Variants in ASAP1 observed in about 807,000 individuals in gnomAD.
ASAP1 encodes ArfGAP with SH3 domain, ankyrin repeat and PH domain 1, also known as arf-GAP with SH3 domain, ANK repeat and PH domain-containing protein 1.
A neutral mutation model predicts 145.2 loss-of-function variants in ASAP1; 43 were observed. The ratio of observed to expected loss-of-function variants is 0.30; its 90% CI spans 0.23 to 0.38. The LOEUF (loss-of-function observed/expected upper bound fraction) is 0.38, where lower values mean the gene tolerates loss of function less well. Ranked by LOEUF, ASAP1 falls within the 10% of genes least tolerant of loss-of-function variation. The probability of loss-of-function intolerance (pLI) is 1.00; values close to 1 mark genes in which losing one functional copy is unlikely to be tolerated. For missense variants in ASAP1, 1,018 were observed against 1,355.3 expected (o/e 0.75, Z 3.91); for synonymous variants, 546 against 515.5 (o/e 1.06, Z -0.80).
At chr8:130,160,817 AAC>A (rs1382907306) in intron 11 of ASAP1, 1 of 1,281,620 alleles carries the variant, frequency 7.8e-7, no homozygotes, top group Non-Finnish European at 1.0e-6. Context: ...GGGCAAAAGA[AAC>A]AGAGAAAAAA....
At chr8:130,437,746 G>A (rs896894024) in intron 1 of ASAP1, among the ~76,000 whole-genome samples, 6 of 152,272 alleles carry the variant, frequency 3.9e-5, no homozygotes, top group Admixed American at 2.0e-4. Context: ...CCCAGAAGCC[G>A]CGGGTGGGCG....
intron 12 of ASAP1, 68 bp downstream of exon 12, chr8:130,159,796 A>G (rs2097665471): frequency 2.4e-6 from 3 of 1,256,598 alleles, no homozygotes; most frequent in Admixed American, 1.7e-5. Flanking sequence ...GTGTTTCCCT[A>G]TATGAGAGAC....
intron 3 of ASAP1, among the ~76,000 whole-genome samples, chr8:130,303,520 T>C (rs1822803033): frequency 6.6e-6 from 1 of 152,094 alleles, no homozygotes; most frequent in Non-Finnish European, 1.5e-5. Flanking sequence ...TGTCCTTCAT[T>C]ACCTGAAAGG....
At chr8:130,175,364 G>A (rs1176419488) in intron 9 of ASAP1, among the ~76,000 whole-genome samples, 2 of 152,078 alleles carry the variant, frequency 1.3e-5, no homozygotes, top group Non-Finnish European at 2.9e-5. Flanking sequence ...GGGAAAATAG[G>A]CGTGTGCCAC....
intron 2 of ASAP1, among the ~76,000 whole-genome samples, chr8:130,363,636 TATA>T (rs758688446): frequency 6.6e-6 from 1 of 152,154 alleles, no homozygotes; most frequent in Non-Finnish European, 1.5e-5. Flanking sequence ...AATTCATTCA[TATA>T]ACAGTCCTGA....
chr8:130,106,840 C>T (rs1459253062), intron 24 of ASAP1, among the ~76,000 whole-genome samples: 3 of 152,338 alleles, frequency 2.0e-5, no homozygotes, highest in African/African-American at 7.2e-5. Flanking sequence ...TCCAGGAATA[C>T]TCCCTAGTGG....
intron 3 of ASAP1, among the ~76,000 whole-genome samples, chr8:130,311,946 CCTT>C (rs770251909): frequency 6.8e-4 from 104 of 152,108 alleles, no homozygotes; most frequent in Admixed American, 2.6e-3. Flanking sequence ...TAATTGTACT[CCTT>C]CTAAATGAGA....
chr8:130,178,191 C>T (rs150823825), intron 9 of ASAP1, among the ~76,000 whole-genome samples: 95 of 152,286 alleles, frequency 6.2e-4, no homozygotes, highest in Admixed American at 1.5e-3. Flanking sequence ...TTATCTAGTC[C>T]AAACGACCTT....
At chr8:130,433,276 C>T (rs901755314) in intron 1 of ASAP1, among the ~76,000 whole-genome samples, 1 of 152,154 alleles carries the variant, frequency 6.6e-6, no homozygotes, top group African/African-American at 2.4e-5. Context: ...ACACATTTTC[C>T]TTAGACCTCC....
At chr8:130,248,225 G>A (rs1263237197) in intron 3 of ASAP1, among the ~76,000 whole-genome samples, 1 of 152,102 alleles carries the variant, frequency 6.6e-6, no homozygotes, top group Non-Finnish European at 1.5e-5. Context: ...GGGTGCCGGG[G>A]GGGTTGGAGG....
At chr8:130,284,543 C>T (rs367615802) in intron 3 of ASAP1, among the ~76,000 whole-genome samples, 3 of 152,014 alleles carry the variant, frequency 2.0e-5, no homozygotes, top group African/African-American at 7.2e-5. Context: ...GGGATGCGCC[C>T]AGTACAGCCA....
intron 15 of ASAP1, among the ~76,000 whole-genome samples, chr8:130,133,396 C>T (rs538280116): frequency 1.3e-5 from 2 of 152,270 alleles, no homozygotes; most frequent in African/African-American, 4.8e-5. Flanking sequence ...GTGGCTCACG[C>T]CTGTAATCCC....
intron 24 of ASAP1, among the ~76,000 whole-genome samples, chr8:130,108,168 GT>G (rs1266137347): frequency 6.6e-6 from 1 of 152,212 alleles, no homozygotes; most frequent in Non-Finnish European, 1.5e-5. Flanking sequence ...TTATCTGCTA[GT>G]TTATTAGTTC....
At chr8:130,324,656 G>C (rs755364318) in intron 3 of ASAP1, among the ~76,000 whole-genome samples, 3 of 152,100 alleles carry the variant, frequency 2.0e-5, no homozygotes, top group African/African-American at 7.2e-5. Context: ...AGCATAATTC[G>C]TAAAATCCAT....
At chr8:130,240,927 C>T (rs996979590) in intron 3 of ASAP1, among the ~76,000 whole-genome samples, 7 of 152,112 alleles carry the variant, frequency 4.6e-5, no homozygotes, top group Non-Finnish European at 1.0e-4. Flanking sequence ...CTGACAGAGG[C>T]ACTACATGAG....
chr8:130,414,153 G>C (rs1218839606), intron 1 of ASAP1, among the ~76,000 whole-genome samples: 1 of 152,220 alleles, frequency 6.6e-6, no homozygotes, highest in Non-Finnish European at 1.5e-5. Flanking sequence ...GGTAGGAAGA[G>C]GGAATTCTGA....
At chr8:130,184,865 C>T (rs1006159754) in intron 7 of ASAP1, among the ~76,000 whole-genome samples, 2 of 152,092 alleles carry the variant, frequency 1.3e-5, no homozygotes, top group African/African-American at 2.4e-5. Flanking sequence ...TCACAAAAAC[C>T]CTGAGAAGTA....
chr8:130,239,014 T>A (rs887249294), intron 3 of ASAP1, among the ~76,000 whole-genome samples: 10 of 152,126 alleles, frequency 6.6e-5, no homozygotes, highest in Non-Finnish European at 2.9e-5. Flanking sequence ...TTTAAAAAAA[T>A]TTAAATAACT....
At chr8:130,304,659 A>G (rs1822884025) in intron 3 of ASAP1, among the ~76,000 whole-genome samples, 1 of 152,140 alleles carries the variant, frequency 6.6e-6, no homozygotes, top group African/African-American at 2.4e-5. Context: ...GATGTTTTCA[A>G]TTTTACACAG....
Sources: gnomAD v4.1 joint callset for allele counts (sites outside exome capture counted in the v4.1 genomes callset) on GRCh38, gnomAD v4.1.1 for gene constraint, MANE v1.5 for transcripts, NCBI Gene and HGNC (gene_info 2026-07-23, HGNC 2026-07-21) for gene names.